The following YBX2 variants were observed in gnomAD, a reference collection of about 807,000 sequenced individuals.
YBX2 encodes Y-box-binding protein 2.
A neutral mutation model predicts 44.4 loss-of-function variants in YBX2; 5 were observed. The ratio of observed to expected loss-of-function variants is 0.11; its 90% CI spans 0.06 to 0.24. The LOEUF is 0.24. Among genes scored for constraint, YBX2 ranks in the 10% least tolerant of loss-of-function variants. YBX2 has a pLI of 1.00. For synonymous variants in YBX2, 188 were observed against 216.1 expected (o/e 0.87, Z 1.14); for missense variants, 417 against 526.9 (o/e 0.79, Z 2.04).
chr17:7,290,615 G>A (rs920789202), intron 4 of YBX2, 80 bp from the exon 5 acceptor site: 2 of 1,525,788 alleles, frequency 1.3e-6, no homozygotes, highest in East Asian at 4.6e-5. Flanking sequence ...CCTTCTTTCA[G>A]GGGAAGACCC....
chr17:7,290,325 A>G lies in YBX2; in HGVS notation c.670T>C (p.Cys224Arg), dbSNP rs1411103228. 2 of 1,613,352 alleles carry G rather than the reference A, an allele frequency of 1.2e-6. No individual in the cohort carries two copies. Among genetic ancestry groups the G allele is most frequent in the Non-Finnish European group, 1.7e-6 (2 of 1,179,892 alleles). The change falls in exon 5 of 9, where the codon TGC (cysteine) becomes CGC (arginine). Residue 224 changes from cysteine to arginine, a missense_variant. Cys to Arg is a radical substitution (Grantham distance 180). Around this residue, in one of 3 missense-constraint regions of YBX2, gnomAD observed 257 missense variants for 261.7 expected, o/e 0.98. Transcript: ENST00000007699. Reference protein sequence around the residue: ...EDSGQRPRRWCPPPFFYRRRF... With the variant: ...EDSGQRPRRWRPPPFFYRRRF... Reference sequence around the variant, plus strand: ...CGTCGGTAGAAGAAGGGTGGGGGGCACCATCGTCGGGGCCGTTGCCCAGAG... The same window carrying G: ...CGTCGGTAGAAGAAGGGTGGGGGGCGCCATCGTCGGGGCCGTTGCCCAGAG...
At chr17:7,289,502 T>C (rs1403517696) in intron 7 of YBX2, 28 bp downstream of exon 7, 23 of 1,576,500 alleles carry the variant, frequency 1.5e-5, no homozygotes, top group Non-Finnish European at 2.0e-5. Context: ...CTCAGCCTTT[T>C]CTTTCATCCC....
chr17:7,293,443 C>A, intron 2 of YBX2, 32 bp downstream of exon 2: 1 of 1,613,840 alleles, frequency 6.2e-7, no homozygotes. Context: ...GGAAGACACC[C>A]ATTCCACCCC....
rs2072483388 is a variant in YBX2, at chr17:7,289,559, G to A, written c.1015C>T (p.Pro339Ser). 1 of 1,605,406 alleles carries A rather than the reference G, an allele frequency of 6.2e-7. No individual in the cohort carries two copies. The highest frequency in any genetic ancestry group is 8.5e-7 in the Non-Finnish European group (1 of 1,177,152). The stretch of plus-strand genomic sequence containing the variant: ...GGGGCTGCGGGCTGCCGGGGGCCAG[G>A]GGCCTGCTGGGGGCCAGGGGCCTGC... ...RQQAPGPQQA[P>S]GPRQPAAPET... The change falls in exon 7 of 9, where the codon CCT becomes TCT. Residue 339 changes from proline to serine, a missense_variant. Pro to Ser is a moderately conservative substitution (Grantham distance 74). This residue lies in a region of YBX2 where 257 missense variants were observed against 261.7 expected (regional missense o/e 0.98). Coordinates refer to ENST00000007699, the MANE Select transcript of YBX2 (RefSeq NM_015982.4).
rs2072471622 is a variant in YBX2, at chr17:7,288,528, TC to T, written c.*154del. 2.1e-6 allele frequency: 1 copy of T among 472,574 alleles called. No homozygotes were observed. 29.3% of individuals were successfully genotyped at this position (472,574 alleles called of 1,614,324 possible). On this transcript the variant is annotated 3_prime_UTR_variant, in exon 9 of 9. Transcript: ENST00000007699. The stretch of plus-strand genomic sequence containing the variant: ...AAAAAGCAAAAGGCTGCTGCTTTGG[TC>T]CTCCTGAGTCTCAAGGAAAAGGTGA...
intron 2 of YBX2, 79 bp from the exon 3 acceptor site, chr17:7,292,138 A>G (rs112846292): frequency 1.3e-5 from 20 of 1,548,600 alleles, no homozygotes; most frequent in African/African-American, 1.2e-4. Context: ...CTAGATGCCC[A>G]GTCTAAGCTC....
At chr17:7,290,602 T>C in intron 4 of YBX2, 67 bp from the exon 5 acceptor site, 1 of 1,564,448 alleles carries the variant, frequency 6.4e-7, no homozygotes, top group Non-Finnish European at 8.7e-7. Flanking sequence ...CCAACTTGCT[T>C]CCCCTTCTTT....
chr17:7,293,737 G>A, intron 1 of YBX2, 199 bp from the exon 2 acceptor site: 13 of 1,066,476 alleles, frequency 1.2e-5, no homozygotes, highest in Middle Eastern at 3.1e-4. Flanking sequence ...CACCCACACA[G>A]GGACTCAGGC....
intron 1 of YBX2, 53 bp from the exon 2 acceptor site, chr17:7,293,591 T>G: frequency 6.2e-7 from 1 of 1,613,586 alleles, no homozygotes; most frequent in Non-Finnish European, 8.5e-7. Context: ...GAGATGGAGT[T>G]GAACTCAGTT....
chr17:7,290,760 G>A (rs568041359), intron 4 of YBX2, among the ~76,000 whole-genome samples: 3 of 152,152 alleles, frequency 2.0e-5, no homozygotes, highest in Non-Finnish European at 4.4e-5. Context: ...CTGAGTATAC[G>A]ACTGGGTGGA....
chr17:7,293,633 C>G (rs2072517646), intron 1 of YBX2, 95 bp from the exon 2 acceptor site: 5 of 1,592,032 alleles, frequency 3.1e-6, no homozygotes, highest in Non-Finnish European at 4.3e-6. Context: ...AAAAATCTAG[C>G]CTACTGCCTT....
Position 7,289,521 on chromosome 17 carries a change from G to C in YBX2, c.1044+9C>G. On this transcript the variant is annotated intron_variant, in intron 7 of 8. Coordinates refer to ENST00000007699, the MANE Select transcript of YBX2 (RefSeq NM_015982.4). ...GCCTTTTCTTTCATCCCACATCTGA[G>C]GTCCTCACCTCAGGGGCTGCGGGCT... 3 of 1,593,734 alleles carry C rather than the reference G, an allele frequency of 1.9e-6. No individual in the cohort carries two copies. The highest frequency in any genetic ancestry group is 2.6e-6 in the Non-Finnish European group (3 of 1,169,646).
Position 7,289,604 on chromosome 17 carries a change from A to G in YBX2, c.970T>C (p.Tyr324His). 6.2e-7 allele frequency: 1 copy of G among 1,613,290 alleles called. No homozygotes were observed. Among genetic ancestry groups the G allele is most frequent in the Non-Finnish European group, 8.5e-7 (1 of 1,179,890 alleles). The change falls in exon 7 of 9, where the codon TAC becomes CAC. Residue 324 changes from tyrosine (Y) to histidine (H), a missense_variant. Tyr to His is a moderately conservative substitution (Grantham distance 83, BLOSUM62 2). Around this residue, in one of 3 missense-constraint regions of YBX2, gnomAD observed 257 missense variants for 261.7 expected, o/e 0.98. Coordinates refer to ENST00000007699, the MANE Select transcript of YBX2 (RefSeq NM_015982.4). Reference sequence around the variant, plus strand: ...GCCTGCTGCCGTCTCCGCTGGAAGTAGGGGCGGTTTCGTGGGCGCTGGGGC... The same window carrying G: ...GCCTGCTGCCGTCTCCGCTGGAAGTGGGGGCGGTTTCGTGGGCGCTGGGGC... ...PEPQRPRNRPYFQRRRQQAPG... is the reference protein window; with the variant it reads ...PEPQRPRNRPHFQRRRQQAPG...
chr17:7,291,073 C>A lies in YBX2; in HGVS notation c.459+20G>T. The A allele has an allele frequency of 6.2e-7, 1 of 1,611,386 alleles. No individual in the cohort carries two copies. Among genetic ancestry groups the A allele is most frequent in the Non-Finnish European group, 8.5e-7 (1 of 1,179,266 alleles). On this transcript the variant is annotated intron_variant, in intron 4 of 8. Coordinates refer to ENST00000007699, the MANE Select transcript of YBX2 (RefSeq NM_015982.4). This position sits in a 1 kb window ranked among gnomAD's most constrained non-coding sequence, Gnocchi z 5.8. ...TCCCGTAAGCCTAGTCAACTCTATA[C>A]CCCATAGCAGTCCCCAAACCTTCTC...
intron 2 of YBX2, 87 bp from the exon 3 acceptor site, chr17:7,292,146 C>T (rs2072505872): frequency 2.1e-6 from 3 of 1,457,500 alleles, no homozygotes; most frequent in African/African-American, 2.8e-5. Context: ...CCAGTCTAAG[C>T]TCAGTGGGCC....
At chr17:7,293,434 G>A in intron 2 of YBX2, 41 bp downstream of exon 2, 1 of 1,613,592 alleles carries the variant, frequency 6.2e-7, no homozygotes. Context: ...GGCCAGCTGG[G>A]AAGACACCCA....
chr17:7,289,265 A>C (rs2072478594), intron 7 of YBX2, among the ~76,000 whole-genome samples: 1 of 138,136 alleles, frequency 7.2e-6, no homozygotes, highest in Admixed American at 7.5e-5. Context: ...AGCTGGTAGG[A>C]TGGCTCCAGG....
intron 6 of YBX2, 90 bp from the exon 7 acceptor site, chr17:7,289,815 G>T: frequency 6.3e-7 from 1 of 1,597,118 alleles, no homozygotes. Context: ...CAGGAGCCAG[G>T]CTTCCAGCCC....
chr17:7,290,569 C>T (rs1228379248), intron 4 of YBX2, 34 bp from the exon 5 acceptor site: 45 of 1,602,118 alleles, frequency 2.8e-5, no homozygotes, highest in Non-Finnish European at 3.8e-5. Flanking sequence ...TGAGAACCTG[C>T]TCCAACAGCC....
Sources: gnomAD v4.1 joint callset for allele counts (sites outside exome capture counted in the v4.1 genomes callset) on GRCh38, gnomAD v4.1.1 for gene constraint, gnomAD v4.1.1 regional missense constraint, Gnocchi (gnomAD v3.1) non-coding constraint, MANE v1.5 for transcripts, NCBI Gene and HGNC (gene_info 2026-07-23, HGNC 2026-07-21) for gene names.